Variants in FEM1B observed in about 807,000 individuals in gnomAD.
The protein encoded by FEM1B is protein fem-1 homolog B.
Under a neutral mutation model 38.6 loss-of-function variants are expected in FEM1B, and 10 were observed. The ratio of observed to expected loss-of-function variants is 0.26; its 90% CI spans 0.16 to 0.44. The LOEUF is 0.44. Among genes scored for constraint, FEM1B ranks in the 20% least tolerant of loss-of-function variants. FEM1B has a pLI of 1.00. For synonymous variants in FEM1B, 288 were observed against 288.0 expected, an observed-to-expected ratio of 1.00 and a Z score of 0.00; for missense variants, 471 against 786.7, an observed-to-expected ratio of 0.60 and a Z score of 4.80.
In FEM1B at chr15:68,278,261, C is replaced by T. The variant is rs2140240476; in HGVS notation, c.-157C>T. The T allele has an allele frequency of 2.0e-6, 2 of 990,146 alleles. No homozygotes were observed. The highest frequency in any genetic ancestry group is 2.9e-6 in the Non-Finnish European group (2 of 692,484). 61.3% of individuals were successfully genotyped at this position (990,146 alleles called of 1,614,324 possible). On this transcript the variant is annotated 5_prime_UTR_variant, in exon 1 of 2. Transcript: ENST00000306917. The surrounding 1 kb of genome is among the most constrained non-coding windows in gnomAD (Gnocchi z 5.7). ...CGGCCTCCTCTGCGTCTCCGCCTTC[C>T]CTGGGCCGCACTGCTGCCTGGGCGC...
chr15:68,293,276 T>TGGTA lies in FEM1B; in HGVS notation c.*2035_*2038dup, dbSNP rs1892866244. On this transcript the variant is annotated 3_prime_UTR_variant, in exon 2 of 2. Coordinates refer to ENST00000306917, the MANE Select transcript of FEM1B (RefSeq NM_015322.5). This position sits in a 1 kb window ranked among gnomAD's most constrained non-coding sequence, Gnocchi z 5.8. Reference sequence around the variant, plus strand: ...CAGTCTAAGGAATAGCTTTGATACTTGGTATTCAGTTGGTTCCATTATTAA... The same window carrying TGGTA: ...CAGTCTAAGGAATAGCTTTGATACTTGGTAGGTATTCAGTTGGTTCCATTATTAA... 1 of 152,230 alleles carries TGGTA rather than the reference T, an allele frequency of 6.6e-6. No homozygotes were observed. The allele number at this position is 152,230 out of a possible 1,614,324, so 9.4% of individuals were successfully genotyped here.
rs777251676 is a variant in FEM1B at position 68,278,626 on chromosome 15, G to A, written c.209G>A (p.Arg70Gln). The part of the protein sequence containing the change: ...KVVRLLLEHY[R>Q]VQTQQTGTVR... ...GTACGCTTGCTCTTAGAACATTACC[G>A]GGTGCAGACTCAGCAGACTGGCACC... Residue 70 changes from arginine (R) to glutamine (Q), a missense_variant, in exon 1 of 2, where the codon CGG becomes CAG. Coordinates refer to ENST00000306917, the MANE Select transcript of FEM1B (RefSeq NM_015322.5). The surrounding 1 kb of genome is among the most constrained non-coding windows in gnomAD (Gnocchi z 5.7). 1.9e-6 allele frequency: 3 copies of A among 1,614,022 alleles called. No individual in the cohort carries two copies. Among genetic ancestry groups the A allele is most frequent in the East Asian group, 2.2e-5 (1 of 44,868 alleles).
rs768885930 is a variant in FEM1B, at chr15:68,292,569, T to C, written c.*1327T>C. The C allele has an allele frequency of 6.6e-6, 1 of 152,056 alleles. No individual in the cohort carries two copies. Among genetic ancestry groups the C allele is most frequent in the South Asian group, 2.1e-4 (1 of 4,834 alleles). The allele number at this position is 152,056 out of a possible 1,614,324, so 9.4% of individuals were successfully genotyped here. A position where few individuals can be genotyped will look rare whatever the true frequency, so the allele number is the denominator to read the frequency against. Reference sequence around the variant, plus strand: ...AAGCAAAATTAGCTGTATCTGTAATTTTCTCTCTAGTGCCAAATGAATGCC... The same window carrying C: ...AAGCAAAATTAGCTGTATCTGTAATCTTCTCTCTAGTGCCAAATGAATGCC... On this transcript the variant is annotated 3_prime_UTR_variant, in exon 2 of 2. Transcript: ENST00000306917.
intron 1 of FEM1B, among the ~76,000 whole-genome samples, chr15:68,287,226 A>G (rs528821401): frequency 6.6e-6 from 1 of 152,348 alleles, no homozygotes; most frequent in South Asian, 2.1e-4. Flanking sequence ...TCAATTAACA[A>G]ATGCATTTTT....
Position 68,278,269 on chromosome 15 carries a change from GCA to G in FEM1B, c.-147_-146del. 9.6e-7 allele frequency: 1 copy of G among 1,046,482 alleles called. No homozygotes were observed. The highest frequency in any genetic ancestry group is 1.3e-6 in the Non-Finnish European group (1 of 741,476). The allele number at this position is 1,046,482 out of a possible 1,614,324, so 64.8% of individuals were successfully genotyped here. On this transcript the variant is annotated 5_prime_UTR_variant, in exon 1 of 2. Transcript: ENST00000306917. The surrounding 1 kb of genome is among the most constrained non-coding windows in gnomAD (Gnocchi z 5.7). ...TCTGCGTCTCCGCCTTCCCTGGGCC[GCA>G]CTGCTGCCTGGGCGCGGCGGCGGCG...
rs1463710220 is a variant in FEM1B at position 68,280,638 on chromosome 15, T to C, written c.248+1973T>C. Among the ~76,000 whole-genome samples the C allele has an allele frequency of 6.6e-6, 1 of 152,158 alleles. No homozygotes were observed. Among genetic ancestry groups the C allele is most frequent in the East Asian group, 1.9e-4 (1 of 5,192 alleles). On this transcript the variant is annotated intron_variant, in intron 1 of 1. Transcript: ENST00000306917. This position sits in a 1 kb window ranked among gnomAD's most constrained non-coding sequence, Gnocchi z 4.2. ...CTTGGTGCCCTTGCAGTGACTAGTGTTTCAGTGCTGTTGCAAGAAGGGATT... is the reference window on the plus strand; with the variant it reads ...CTTGGTGCCCTTGCAGTGACTAGTGCTTCAGTGCTGTTGCAAGAAGGGATT...
chr15:68,280,528 G>A lies in FEM1B; in HGVS notation c.248+1863G>A, dbSNP rs1239313177. ...AAGGAAGTGCTGTTTTATCCGGGGG[G>A]AATCTAGAAAGGCTTCACAGAGGAG... On this transcript the variant is annotated intron_variant, in intron 1 of 1. Transcript: ENST00000306917. This position sits in a 1 kb window ranked among gnomAD's most constrained non-coding sequence, Gnocchi z 4.2. Among the ~76,000 whole-genome samples the A allele has an allele frequency of 6.6e-6, 1 of 152,168 alleles. No individual in the cohort carries two copies. Among genetic ancestry groups the A allele is most frequent in the Non-Finnish European group, 1.5e-5 (1 of 68,016 alleles).
chr15:68,285,759 C>G (rs531574868), intron 1 of FEM1B, among the ~76,000 whole-genome samples: 8 of 150,332 alleles, frequency 5.3e-5, no homozygotes, highest in Admixed American at 5.3e-4. Context: ...GTCTTGAACT[C>G]TTAGGTTCAA....
chr15:68,285,016 G>T (rs895112908), intron 1 of FEM1B, among the ~76,000 whole-genome samples: 4 of 152,190 alleles, frequency 2.6e-5, no homozygotes, highest in Non-Finnish European at 4.4e-5. Flanking sequence ...AAGTTGCCCA[G>T]TTTCGGGTAT....
Position 68,295,496 on chromosome 15 carries a change from CT to C in FEM1B, c.*4255del, listed in dbSNP as rs777326998. On this transcript the variant is annotated 3_prime_UTR_variant, in exon 2 of 2. Transcript: ENST00000306917. ...TACACAGTTGGGGAGTAAAATCTGA[CT>C]GGCCTAATCGATGGAAAAGACCCTG... 1 of 152,158 alleles carries C rather than the reference CT, an allele frequency of 6.6e-6. No homozygotes were observed. Among genetic ancestry groups the C allele is most frequent in the Non-Finnish European group, 1.5e-5 (1 of 68,034 alleles). 9.4% of individuals were successfully genotyped at this position (152,158 alleles called of 1,614,324 possible). A position where few individuals can be genotyped will look rare whatever the true frequency, so the allele number is the denominator to read the frequency against.
intron 1 of FEM1B, among the ~76,000 whole-genome samples, chr15:68,286,892 C>A (rs1414101662): frequency 6.6e-6 from 1 of 152,092 alleles, no homozygotes; most frequent in Non-Finnish European, 1.5e-5. Flanking sequence ...TTTCTTGATT[C>A]ATTCTTTTTT....
Position 68,290,935 on chromosome 15 carries a change from A to G in FEM1B, c.1577A>G (p.Asn526Ser). 6.2e-7 allele frequency: 1 copy of G among 1,614,212 alleles called. No individual in the cohort carries two copies. Among genetic ancestry groups the G allele is most frequent in the Non-Finnish European group, 8.5e-7 (1 of 1,180,024 alleles). The change falls in exon 2 of 2, where the codon AAT becomes AGT. Residue 526 changes from asparagine to serine, a missense_variant. Physicochemically the swap from Asn to Ser is conservative, Grantham distance 46. This residue lies in a region of FEM1B where 380 missense variants were observed against 599.6 expected (regional missense o/e 0.63). Coordinates refer to ENST00000306917, the MANE Select transcript of FEM1B (RefSeq NM_015322.5). This position sits in a 1 kb window ranked among gnomAD's most constrained non-coding sequence, Gnocchi z 9.7. ...KLLLDCGAEV[N>S]AVDNEGNSAL... ...CTGCTGGACTGTGGTGCTGAGGTGA[A>G]TGCCGTGGACAATGAGGGAAACAGT... is the stretch of plus-strand genomic sequence containing the variant.
At position 68,292,200 on chromosome 15, in the gene FEM1B, G is replaced by T. The variant is rs1476315153; in HGVS notation, c.*958G>T. On this transcript the variant is annotated 3_prime_UTR_variant, in exon 2 of 2. Coordinates refer to ENST00000306917, the MANE Select transcript of FEM1B (RefSeq NM_015322.5). ...ATAAGGTATTTTACTTATGACAGAT[G>T]AAAAGGAACCAGGATATGTTTGAAT... is the stretch of plus-strand genomic sequence containing the variant. 2 of 152,122 alleles carry T rather than the reference G, an allele frequency of 1.3e-5. No individual in the cohort carries two copies. Among genetic ancestry groups the T allele is most frequent in the East Asian group, 3.9e-4 (2 of 5,194 alleles). The allele number at this position is 152,122 out of a possible 1,614,324, so 9.4% of individuals were successfully genotyped here. A position where few individuals can be genotyped will look rare whatever the true frequency, so the allele number is the denominator to read the frequency against.
At position 68,288,919 on chromosome 15, in the gene FEM1B, A is replaced by G. The variant is rs1892817724; in HGVS notation, c.249-688A>G. ...TCCCCTTTGTGCTTTCTCCCATTTC[A>G]CTACCTCTCCCCAAAAGTAACCAGT... On this transcript the variant is annotated intron_variant, in intron 1 of 1. Transcript: ENST00000306917. The surrounding 1 kb of genome is among the most constrained non-coding windows in gnomAD (Gnocchi z 4.6). 2.0e-5 allele frequency among the ~76,000 whole-genome samples: 3 copies of G among 152,148 alleles called. No homozygotes were observed. The South Asian group carries it at 6.2e-4, about 32-fold the overall frequency.
intron 1 of FEM1B, among the ~76,000 whole-genome samples, chr15:68,285,219 G>T (rs915547711): frequency 7.9e-5 from 12 of 152,010 alleles, no homozygotes; most frequent in Non-Finnish European, 1.5e-4. Context: ...TTTTAATGAT[G>T]TGTGGTATTC....
intron 1 of FEM1B, among the ~76,000 whole-genome samples, chr15:68,279,626 T>C (rs759742414): frequency 6.6e-6 from 1 of 152,182 alleles, no homozygotes; most frequent in African/African-American, 2.4e-5. Context: ...CATAAAAATA[T>C]ATATCTTTAG....
At position 68,290,505 on chromosome 15, in the gene FEM1B, A is replaced by G. The variant is rs1228658497; in HGVS notation, c.1147A>G (p.Lys383Glu). ...LRQKGNRNTH[K>E]DLLRFAQVFS... The stretch of plus-strand genomic sequence containing the variant: ...ACAAAAAGGTAACAGGAACACCCAC[A>G]AGGATCTTCTTCGATTTGCTCAAGT... Residue 383 changes from lysine (K) to glutamate (E), a missense_variant, in exon 2 of 2, where the codon AAG becomes GAG. Physicochemically the swap from Lys to Glu is moderately conservative, Grantham distance 56. This residue lies in a region of FEM1B where 380 missense variants were observed against 599.6 expected (regional missense o/e 0.63). Coordinates refer to ENST00000306917, the MANE Select transcript of FEM1B (RefSeq NM_015322.5). This position sits in a 1 kb window ranked among gnomAD's most constrained non-coding sequence, Gnocchi z 9.7. 6.2e-7 allele frequency: 1 copy of G among 1,614,198 alleles called. No individual in the cohort carries two copies. Among genetic ancestry groups the G allele is most frequent in the South Asian group, 1.1e-5 (1 of 91,082 alleles).
Position 68,290,566 on chromosome 15 carries a change from A to G in FEM1B, c.1208A>G (p.Lys403Arg). The G allele has an allele frequency of 6.2e-7, 1 of 1,614,226 alleles. No individual in the cohort carries two copies. The highest frequency in any genetic ancestry group is 8.5e-7 in the Non-Finnish European group (1 of 1,180,028). The part of the protein sequence containing the change: ...SQMIHLNETV[K>R]APDIECVLRC... ...ATGATACATTTGAATGAAACTGTGAAGGCCCCAGACATAGAATGTGTTTTG... is the reference window on the plus strand; with the variant it reads ...ATGATACATTTGAATGAAACTGTGAGGGCCCCAGACATAGAATGTGTTTTG... The change falls in exon 2 of 2, where the codon AAG becomes AGG. Residue 403 changes from lysine to arginine, a missense_variant. By Grantham distance (26) the Lys-to-Arg change is conservative. Transcript: ENST00000306917. The surrounding 1 kb of genome is among the most constrained non-coding windows in gnomAD (Gnocchi z 9.7).
rs545408128 is a variant in FEM1B at position 68,291,946 on chromosome 15, C to T, written c.*704C>T. ...TTTCAGAGAATCTTGATGGACTCTG[C>T]CTTTAGGCTTGAATTCTTCAAAGTC... On this transcript the variant is annotated 3_prime_UTR_variant, in exon 2 of 2. Transcript: ENST00000306917. This position sits in a 1 kb window ranked among gnomAD's most constrained non-coding sequence, Gnocchi z 6.9. The T allele has an allele frequency of 6.6e-6, 1 of 152,252 alleles. No homozygotes were observed. The highest frequency in any genetic ancestry group is 3.4e-3 in the Middle Eastern group (1 of 294). The allele number at this position is 152,252 out of a possible 1,614,324, so 9.4% of individuals were successfully genotyped here.
Sources: gnomAD v4.1 joint callset for allele counts (sites outside exome capture counted in the v4.1 genomes callset) on GRCh38, gnomAD v4.1.1 for gene constraint, gnomAD v4.1.1 regional missense constraint, Gnocchi (gnomAD v3.1) non-coding constraint, MANE v1.5 for transcripts, NCBI Gene and HGNC (gene_info 2026-07-23, HGNC 2026-07-21) for gene names.